The following MTSS1 variants were observed in gnomAD, a reference collection of about 807,000 sequenced individuals.
MTSS1 encodes MTSS I-BAR domain containing 1, also known as protein MTSS 1.
In MTSS1, 18 loss-of-function variants were observed where a neutral mutation model predicts 79.0. The ratio of observed to expected loss-of-function variants is 0.23; its 90% confidence interval spans 0.16 to 0.34. The LOEUF is 0.34. MTSS1 is among the 10% of genes least tolerant of loss of function. The pLI, the probability that MTSS1 is intolerant of heterozygous loss-of-function variation, is 1.00. For synonymous variants in MTSS1, 341 were observed against 368.6 expected (o/e 0.93, Z 0.86); for missense variants, 815 against 986.2 (o/e 0.83, Z 2.33).
At chr8:124,709,144 G>A (rs1457439525) in intron 1 of MTSS1, among the ~76,000 whole-genome samples, 1 of 152,154 alleles carries the variant, frequency 6.6e-6, no homozygotes, top group Non-Finnish European at 1.5e-5. Flanking sequence ...AAAAAGTCCT[G>A]CCTTTTGGAC....
intron 7 of MTSS1, 75 bp from the exon 8 acceptor site, chr8:124,567,253 T>C: frequency 8.0e-7 from 1 of 1,250,416 alleles, no homozygotes; most frequent in Non-Finnish European, 1.2e-6. Flanking sequence ...ATTGTTTTCA[T>C]TAGGGTCTCT....
At chr8:124,666,831 T>G (rs1823186564) in intron 3 of MTSS1, among the ~76,000 whole-genome samples, 1 of 149,102 alleles carries the variant, frequency 6.7e-6, no homozygotes, top group African/African-American at 2.5e-5. Flanking sequence ...TCCTGGGGAG[T>G]TTTCAAAGAG....
intron 1 of MTSS1, among the ~76,000 whole-genome samples, chr8:124,709,959 T>A (rs544575846): frequency 1.3e-5 from 2 of 152,242 alleles, no homozygotes; most frequent in African/African-American, 4.8e-5. Flanking sequence ...TATCACATCA[T>A]ACAGTTTGCT....
At chr8:124,701,826 G>C (rs984297630) in intron 2 of MTSS1, among the ~76,000 whole-genome samples, 1 of 152,238 alleles carries the variant, frequency 6.6e-6, no homozygotes, top group African/African-American at 2.4e-5. Flanking sequence ...ACACAGAGGA[G>C]TGATTCAGCT....
At chr8:124,710,387 G>C (rs1007564930) in intron 1 of MTSS1, among the ~76,000 whole-genome samples, 2 of 152,176 alleles carry the variant, frequency 1.3e-5, no homozygotes, top group African/African-American at 2.4e-5. Context: ...TAGGAAAAAG[G>C]CCTCCTAAAT....
rs1822535709 is a variant in MTSS1, at chr8:124,551,625, T to C, written c.*1367A>G. The C allele has an allele frequency of 6.6e-6, 1 of 152,570 alleles. No individual in the cohort carries two copies. The highest frequency in any genetic ancestry group is 1.5e-5 in the Non-Finnish European group (1 of 68,036). 9.5% of individuals were successfully genotyped at this position (152,570 alleles called of 1,614,324 possible). ...CTGACTGCTAAGGGACTTGCTTGCT[T>C]TCTTAAACACTATTGTCTTCAAATG... On this transcript the variant is annotated 3_prime_UTR_variant, in exon 14 of 14. Transcript: ENST00000518547.
At chr8:124,605,534 C>G (rs1834636718) in intron 3 of MTSS1, among the ~76,000 whole-genome samples, 1 of 151,878 alleles carries the variant, frequency 6.6e-6, no homozygotes, top group African/African-American at 2.4e-5. Context: ...TCTGCGGAGA[C>G]AGCCCTCGCA....
Position 124,728,000 on chromosome 8 carries a change from G to C in MTSS1, c.-45C>G. 6.4e-7 allele frequency: 1 copy of C among 1,566,686 alleles called. No individual in the cohort carries two copies. The highest frequency in any genetic ancestry group is 8.7e-7 in the Non-Finnish European group (1 of 1,144,986). Reference sequence around the variant, plus strand: ...CGAGGGCACACACGCGGGGCCGCTGGACTGCGCGCGGGGCCGGGGCTCGCT... The same window carrying C: ...CGAGGGCACACACGCGGGGCCGCTGCACTGCGCGCGGGGCCGGGGCTCGCT... On this transcript the variant is annotated 5_prime_UTR_variant, in exon 1 of 14. Transcript: ENST00000518547. This position sits in a 1 kb window ranked among gnomAD's most constrained non-coding sequence, Gnocchi z 4.7.
At chr8:124,714,899 T>C (rs1021827169) in intron 1 of MTSS1, among the ~76,000 whole-genome samples, 1 of 152,228 alleles carries the variant, frequency 6.6e-6, no homozygotes, top group Admixed American at 6.5e-5. Context: ...CTAGCATTTG[T>C]ATAAGCTTAA....
At chr8:124,566,563 T>A (rs1826531513) in intron 8 of MTSS1, among the ~76,000 whole-genome samples, 1 of 152,322 alleles carries the variant, frequency 6.6e-6, no homozygotes, top group South Asian at 2.1e-4. Context: ...CATAAAAATG[T>A]CATCTTTTTC....
At chr8:124,714,392 C>T (rs767323224) in intron 1 of MTSS1, among the ~76,000 whole-genome samples, 5 of 152,202 alleles carry the variant, frequency 3.3e-5, no homozygotes, top group Admixed American at 6.5e-5. Flanking sequence ...CCCTCACGCC[C>T]GGTTAACTGC....
At chr8:124,663,145 AC>A (rs1236821327) in intron 3 of MTSS1, among the ~76,000 whole-genome samples, 1 of 152,066 alleles carries the variant, frequency 6.6e-6, no homozygotes, top group African/African-American at 2.4e-5. Context: ...GCACTCAGAC[AC>A]CTGCACACGT....
At chr8:124,693,559 A>T (rs1029957047) in intron 3 of MTSS1, among the ~76,000 whole-genome samples, 3 of 152,168 alleles carry the variant, frequency 2.0e-5, no homozygotes, top group African/African-American at 7.2e-5. Flanking sequence ...CTTCACCAAC[A>T]TGCTTCACCA....
intron 3 of MTSS1, among the ~76,000 whole-genome samples, chr8:124,638,735 A>T (rs1189976102): frequency 1.3e-5 from 2 of 152,172 alleles, no homozygotes; most frequent in African/African-American, 2.4e-5. Context: ...CCCATCACAG[A>T]CGCATTTCCC....
At chr8:124,642,780 A>G (rs1818291160) in intron 3 of MTSS1, among the ~76,000 whole-genome samples, 1 of 152,044 alleles carries the variant, frequency 6.6e-6, no homozygotes, top group Admixed American at 6.6e-5. Context: ...TTTAGTAGAG[A>G]CAGGGTTTAG....
At chr8:124,703,646 C>T (rs1830011338) in intron 2 of MTSS1, among the ~76,000 whole-genome samples, 2 of 152,142 alleles carry the variant, frequency 1.3e-5, no homozygotes, top group Non-Finnish European at 2.9e-5. Flanking sequence ...TGGAGGAGAA[C>T]ATGGACTCTG....
At chr8:124,718,744 T>C (rs903210076) in intron 1 of MTSS1, among the ~76,000 whole-genome samples, 2 of 151,958 alleles carry the variant, frequency 1.3e-5, no homozygotes, top group African/African-American at 4.8e-5. Context: ...GGGTGCAGAG[T>C]GGTTACTGGA....
chr8:124,566,981 A>T, intron 8 of MTSS1, 90 bp downstream of exon 8: 1 of 974,220 alleles, frequency 1.0e-6, no homozygotes, highest in Non-Finnish European at 1.6e-6. Flanking sequence ...ACTACAATTT[A>T]AGACGTGACA....
At chr8:124,716,686 A>G (rs1198266974) in intron 1 of MTSS1, among the ~76,000 whole-genome samples, 1 of 152,216 alleles carries the variant, frequency 6.6e-6, no homozygotes, top group African/African-American at 2.4e-5. Context: ...ATTAAAAATT[A>G]CACACAGCAA....
Sources: allele counts gnomAD v4.1 joint callset (sites outside exome capture counted in the v4.1 genomes callset), GRCh38; gene constraint gnomAD v4.1.1; non-coding constraint Gnocchi (gnomAD v3.1); transcripts MANE v1.5; gene names NCBI Gene and HGNC (gene_info 2026-07-23, HGNC 2026-07-21).